Variants in FER observed in about 807,000 individuals in gnomAD.
FER encodes tyrosine-protein kinase Fer.
Under a neutral mutation model 111.0 loss-of-function variants are expected in FER, and 63 were observed. The observed-to-expected ratio is 0.57, with a 90% CI of 0.46 to 0.70. The LOEUF (loss-of-function observed/expected upper bound fraction) is 0.70, where lower values mean the gene tolerates loss of function less well. Among genes scored for constraint, FER ranks in the 30% least tolerant of loss-of-function variants. The probability of loss-of-function intolerance (pLI) is 0.00; values close to 1 mark genes in which losing one functional copy is unlikely to be tolerated. For synonymous variants in FER, 327 were observed against 313.9 expected, an observed-to-expected ratio of 1.04 and a Z score of -0.44; for missense variants, 914 against 954.0, an observed-to-expected ratio of 0.96 and a Z score of 0.55.
At chr5:109,181,826 G>A (rs1758322717) in intron 18 of FER, among the ~76,000 whole-genome samples, 2 of 152,166 alleles carry the variant, frequency 1.3e-5, no homozygotes, top group Non-Finnish European at 1.5e-5. Context: ...TCACAATGTT[G>A]TATAACCAGT....
intron 13 of FER, among the ~76,000 whole-genome samples, chr5:109,004,302 A>T (rs778413264): frequency 6.6e-5 from 10 of 152,286 alleles, no homozygotes; most frequent in Non-Finnish European, 1.0e-4. Flanking sequence ...CAGAGATAAC[A>T]TTTCCCTAAT....
chr5:109,158,961 A>G (rs1755702623), intron 17 of FER, among the ~76,000 whole-genome samples: 1 of 152,186 alleles, frequency 6.6e-6, no homozygotes, highest in African/African-American at 2.4e-5. Flanking sequence ...AAATTCAGTC[A>G]TTAAAAAGAA....
At chr5:109,133,466 C>T (rs1752575354) in intron 17 of FER, among the ~76,000 whole-genome samples, 1 of 151,872 alleles carries the variant, frequency 6.6e-6, no homozygotes, top group Non-Finnish European at 1.5e-5. Context: ...GGCTGGTTTC[C>T]TTGAAAAATT....
chr5:109,110,202 T>TA (rs1338565166), intron 17 of FER, among the ~76,000 whole-genome samples: 2 of 152,104 alleles, frequency 1.3e-5, no homozygotes, highest in Non-Finnish European at 2.9e-5. Flanking sequence ...TTAGGGAACT[T>TA]TAGTAATTGG....
At chr5:109,089,940 G>A (rs1000586163) in intron 16 of FER, among the ~76,000 whole-genome samples, 6 of 152,172 alleles carry the variant, frequency 3.9e-5, no homozygotes, top group African/African-American at 1.4e-4. Flanking sequence ...GACCTACTGT[G>A]CTGCTGAGAA....
chr5:109,123,573 G>T (rs1751291153), intron 17 of FER, among the ~76,000 whole-genome samples: 1 of 151,766 alleles, frequency 6.6e-6, no homozygotes, highest in South Asian at 2.1e-4. Context: ...AGGTTATGAG[G>T]CTTCCAAATA....
At chr5:109,062,284 C>T (rs997834615) in intron 16 of FER, among the ~76,000 whole-genome samples, 1 of 152,042 alleles carries the variant, frequency 6.6e-6, no homozygotes, top group African/African-American at 2.4e-5. Flanking sequence ...GCACTTTGGG[C>T]AGCCAAGGTG....
At chr5:109,113,319 C>T (rs1017899831) in intron 17 of FER, among the ~76,000 whole-genome samples, 5 of 151,968 alleles carry the variant, frequency 3.3e-5, no homozygotes, top group Non-Finnish European at 2.9e-5. Flanking sequence ...CATTAAGCAG[C>T]GGGAAAAGAT....
At chr5:108,817,041 T>C (rs1346026156) in intron 3 of FER, among the ~76,000 whole-genome samples, 3 of 135,894 alleles carry the variant, frequency 2.2e-5, no homozygotes, top group Non-Finnish European at 4.5e-5. Context: ...GAGGCAGAGG[T>C]TGCAGTTAGC....
chr5:109,014,664 A>G (rs1766791011), intron 13 of FER, among the ~76,000 whole-genome samples: 1 of 152,096 alleles, frequency 6.6e-6, no homozygotes, highest in African/African-American at 2.4e-5. Context: ...TCTATAAATT[A>G]CCTTGGGCAG....
chr5:108,788,523 G>T (rs570881830), intron 2 of FER, among the ~76,000 whole-genome samples: 1 of 144,948 alleles, frequency 6.9e-6, no homozygotes, highest in Middle Eastern at 3.6e-3. Flanking sequence ...ATGATCCTGC[G>T]ACACTAATAT....
chr5:108,809,976 G>A (rs1172325853), intron 3 of FER, among the ~76,000 whole-genome samples: 1 of 152,106 alleles, frequency 6.6e-6, no homozygotes, highest in African/African-American at 2.4e-5. Flanking sequence ...TTTTCATAGT[G>A]CCAGAATTCT....
At chr5:108,835,311 A>G (rs975475872) in intron 4 of FER, among the ~76,000 whole-genome samples, 1 of 149,492 alleles carries the variant, frequency 6.7e-6, no homozygotes, top group Non-Finnish European at 1.5e-5. Context: ...CCTCCCGAGT[A>G]GCTGGGATTA....
At chr5:109,089,581 G>A (rs1006235348) in intron 16 of FER, among the ~76,000 whole-genome samples, 10 of 152,176 alleles carry the variant, frequency 6.6e-5, no homozygotes, top group African/African-American at 2.2e-4. Flanking sequence ...TAATAGCAAT[G>A]TATGGATTAA....
chr5:109,089,610 C>T (rs1777938969), intron 16 of FER, among the ~76,000 whole-genome samples: 1 of 152,066 alleles, frequency 6.6e-6, no homozygotes, highest in African/African-American at 2.4e-5. Context: ...ATGAGAACTC[C>T]AGAAACCAGA....
chr5:108,838,144 GTT>G (rs143835909), intron 5 of FER, among the ~76,000 whole-genome samples: 1,883 of 152,142 alleles, frequency 0.012, 35 homozygotes, highest in African/African-American at 0.043. Context: ...AACTGCTTCT[GTT>G]TTTATGGAAA....
chr5:108,967,759 CAAA>C (rs774855414), intron 13 of FER, among the ~76,000 whole-genome samples: 1 of 34,450 alleles, frequency 2.9e-5, no homozygotes, highest in East Asian at 9.1e-4. Flanking sequence ...GACTCCGTCT[CAAA>C]AAAAAAAAAA....
At chr5:108,937,907 G>C (rs1266677629) in intron 10 of FER, among the ~76,000 whole-genome samples, 1 of 151,412 alleles carries the variant, frequency 6.6e-6, no homozygotes, top group Non-Finnish European at 1.5e-5. Flanking sequence ...TTTTATAAAG[G>C]GCAAGCAGTA....
At chr5:109,167,068 T>G (rs1756629235) in intron 17 of FER, among the ~76,000 whole-genome samples, 1 of 152,142 alleles carries the variant, frequency 6.6e-6, no homozygotes. Context: ...ATATTGCAAT[T>G]TATGGGTTTG....
Sources: gnomAD v4.1 joint callset for allele counts (sites outside exome capture counted in the v4.1 genomes callset) on GRCh38, gnomAD v4.1.1 for gene constraint, MANE v1.5 for transcripts, NCBI Gene and HGNC (gene_info 2026-07-23, HGNC 2026-07-21) for gene names.